The following MGA variants were observed in gnomAD, a reference collection of about 807,000 sequenced individuals.
MGA encodes the protein MAX dimerization protein MGA.
MGA carries 40 observed loss-of-function variants against 261.1 expected under a neutral mutation model. That is an observed-to-expected ratio of 0.15 (90% CI 0.12 to 0.20). MGA has a LOEUF of 0.20. Ranked by LOEUF, MGA falls within the 10% of genes least tolerant of loss-of-function variation. The pLI is 1.00. For synonymous variants in MGA, 1,302 were observed against 1,290.6 expected, an observed-to-expected ratio of 1.01 and a Z score of -0.19; for missense variants, 3,397 against 3,630.5, an observed-to-expected ratio of 0.94 and a Z score of 1.65.
intron 22 of MGA, among the ~76,000 whole-genome samples, chr15:41,764,411 G>A (rs1365642783): frequency 3.3e-5 from 5 of 151,772 alleles, no homozygotes; most frequent in African/African-American, 1.2e-4. Flanking sequence ...CCGCCACCAC[G>A]CCTGGCTAAT....
At chr15:41,649,781 G>T (rs936414725) in intron 1 of MGA, among the ~76,000 whole-genome samples, 12 of 152,190 alleles carry the variant, frequency 7.9e-5, no homozygotes, top group African/African-American at 2.9e-4. Context: ...CCAGGTTCAA[G>T]TGATTCTCCT....
intron 10 of MGA, 44 bp downstream of exon 10, chr15:41,727,450 T>C: frequency 1.9e-6 from 3 of 1,546,762 alleles, no homozygotes; most frequent in Non-Finnish European, 2.7e-6. Context: ...ACCAAAGTCA[T>C]GTGTAAAGAT....
intron 3 of MGA, among the ~76,000 whole-genome samples, chr15:41,698,274 T>C (rs547235661): frequency 3.3e-5 from 5 of 149,784 alleles, no homozygotes; most frequent in African/African-American, 1.2e-4. Flanking sequence ...GTTCAAGCAG[T>C]TCCCCTGCCT....
intron 17 of MGA, among the ~76,000 whole-genome samples, chr15:41,752,549 GTTT>G (rs35282917): frequency 5.9e-5 from 6 of 102,112 alleles, no homozygotes; most frequent in Admixed American, 2.4e-4. Context: ...AACCTTTAAA[GTTT>G]TTTTTTTTTT....
intron 17 of MGA, chr15:41,751,557 C>T (rs1204305660): frequency 6.6e-6 from 1 of 152,176 alleles, no homozygotes; most frequent in Non-Finnish European, 1.5e-5. Context: ...AACCCCGTGT[C>T]TACTAAAAAT....
At chr15:41,737,154 T>G (rs2061826230) in intron 13 of MGA, among the ~76,000 whole-genome samples, 1 of 152,076 alleles carries the variant, frequency 6.6e-6, no homozygotes, top group Admixed American at 6.6e-5. Context: ...TGGGGAAAAT[T>G]TTAAAAATTT....
chr15:41,709,466 A>T (rs887041166), intron 7 of MGA, among the ~76,000 whole-genome samples: 1 of 152,092 alleles, frequency 6.6e-6, no homozygotes, highest in African/African-American at 2.4e-5. Flanking sequence ...CTTTTTAAAG[A>T]CGGGGTCTTG....
chr15:41,691,991 G>A (rs866319324), intron 2 of MGA, among the ~76,000 whole-genome samples: 7 of 151,030 alleles, frequency 4.6e-5, no homozygotes, highest in Non-Finnish European at 1.0e-4. Flanking sequence ...GAAGATTTTT[G>A]TTCATTTTCT....
chr15:41,722,104 A>G (rs985076216), intron 9 of MGA, among the ~76,000 whole-genome samples: 1 of 151,422 alleles, frequency 6.6e-6, no homozygotes, highest in African/African-American at 2.4e-5. Context: ...CATTAATATA[A>G]ACTTTTAAAG....
chr15:41,750,034 T>C lies in MGA; in HGVS notation c.6427T>C (p.Ser2143Pro), dbSNP rs1174473186. Residue 2143 changes from serine to proline, a missense_variant, in exon 17 of 24, where the codon TCA becomes CCA. Coordinates refer to ENST00000219905, the MANE Select transcript of MGA (RefSeq NM_001164273.2). ...TAAGGAAGAAAGTAAATTTGAATTG[T>C]CAGGAAGCAAAGTTATGGAGCAGCA... 3.1e-6 allele frequency: 5 copies of C among 1,613,254 alleles called. No homozygotes were observed. The highest frequency in any genetic ancestry group is 3.4e-6 in the Non-Finnish European group (4 of 1,179,662).
At chr15:41,760,620 A>G in intron 20 of MGA, 91 bp downstream of exon 20, 2 of 1,278,898 alleles carry the variant, frequency 1.6e-6, no homozygotes, top group East Asian at 2.4e-5. Context: ...TATAAGGGAG[A>G]TTGAAATAGA....
intron 1 of MGA, among the ~76,000 whole-genome samples, chr15:41,626,582 C>T (rs2056460046): frequency 6.6e-6 from 1 of 151,752 alleles, no homozygotes; most frequent in Admixed American, 6.6e-5. Context: ...GCCATCACGC[C>T]CGGCTAATTT....
At chr15:41,726,537 T>C (rs1388904912) in intron 9 of MGA, among the ~76,000 whole-genome samples, 1 of 152,112 alleles carries the variant, frequency 6.6e-6, no homozygotes, top group Non-Finnish European at 1.5e-5. Flanking sequence ...GAGACCAGCC[T>C]GGCCAACATG....
intron 5 of MGA, among the ~76,000 whole-genome samples, chr15:41,700,107 C>T (rs758071864): frequency 2.0e-4 from 28 of 143,198 alleles, no homozygotes; most frequent in Non-Finnish European, 3.6e-4. Flanking sequence ...TGCAGTGGCA[C>T]GATCTCAGCT....
At chr15:41,641,541 G>A (rs2056819843) in intron 1 of MGA, among the ~76,000 whole-genome samples, 1 of 146,062 alleles carries the variant, frequency 6.8e-6, no homozygotes, top group Admixed American at 7.0e-5. Flanking sequence ...CCAGGCTGGA[G>A]TGCAGTGGCG....
In MGA at chr15:41,749,625, T is replaced by C; in HGVS notation, c.6018T>C (p.Asn2006=). ...GAGAGGCTGTAGACCCTGAGGCTAA[T>C]GTAATAAAACAAAACTCAGGAGCTG... Residue 2006 remains asparagine, a synonymous_variant, in exon 17 of 24, where the codon AAT becomes AAC. Transcript: ENST00000219905. The C allele has an allele frequency of 6.2e-7, 1 of 1,613,916 alleles. No homozygotes were observed. Among genetic ancestry groups the C allele is most frequent in the Non-Finnish European group, 8.5e-7 (1 of 1,179,868 alleles).
upstream of MGA, among the ~76,000 whole-genome samples, chr15:41,656,578 T>G (rs1380397037): frequency 1.3e-5 from 2 of 151,776 alleles, no homozygotes; most frequent in Non-Finnish European, 2.9e-5. Flanking sequence ...CAGGCTGCTC[T>G]CAAACTCCTG....
At chr15:41,636,509 G>T (rs998295207) in intron 1 of MGA, among the ~76,000 whole-genome samples, 1 of 149,472 alleles carries the variant, frequency 6.7e-6, no homozygotes, top group Admixed American at 6.7e-5. Context: ...TGCCCAGGCT[G>T]GAGTACAGTG....
chr15:41,730,271 A>G lies in MGA; in HGVS notation c.3843+922A>G, dbSNP rs773246328. ...TGGCCAACAAGGTGAAACCCCATCCATAGTAAAAACACAAAAAATTAGCCG... is the reference window on the plus strand; with the variant it reads ...TGGCCAACAAGGTGAAACCCCATCCGTAGTAAAAACACAAAAAATTAGCCG... On this transcript the variant is annotated intron_variant, in intron 11 of 23. Coordinates refer to ENST00000219905, the MANE Select transcript of MGA (RefSeq NM_001164273.2). Among the ~76,000 whole-genome samples, 13 of 152,034 alleles carry G rather than the reference A, an allele frequency of 8.6e-5. No homozygotes were observed. In the East Asian group the frequency reaches 9.8e-4, roughly 11 times the overall value.
Sources: gnomAD v4.1 joint callset for allele counts (sites outside exome capture counted in the v4.1 genomes callset) on GRCh38, gnomAD v4.1.1 for gene constraint, MANE v1.5 for transcripts, NCBI Gene and HGNC (gene_info 2026-07-23, HGNC 2026-07-21) for gene names.